SETX: variants seen among roughly 807,000 people sequenced by gnomAD.
The protein encoded by SETX is helicase senataxin.
In SETX, 90 loss-of-function variants were observed where a neutral mutation model predicts 227.2. The ratio of observed to expected loss-of-function variants is 0.40; its 90% CI spans 0.33 to 0.47. The LOEUF (loss-of-function observed/expected upper bound fraction) is 0.47. Among genes scored for constraint, SETX ranks in the 20% least tolerant of loss-of-function variants. The probability of loss-of-function intolerance (pLI) is 0.91; values close to 1 mark genes in which losing one functional copy is unlikely to be tolerated. For synonymous variants in SETX, 1,210 were observed against 1,113.2 expected, an observed-to-expected ratio of 1.09 and a Z score of -1.73; for missense variants, 3,052 against 3,181.5, an observed-to-expected ratio of 0.96 and a Z score of 0.98.
chr9:132,346,940 G>A (rs921430786), intron 3 of SETX, among the ~76,000 whole-genome samples: 15 of 151,908 alleles, frequency 9.9e-5, no homozygotes, highest in African/African-American at 3.1e-4. Flanking sequence ...GGATGACATA[G>A]GGAAACCCTG....
intron 5 of SETX, among the ~76,000 whole-genome samples, chr9:132,341,427 G>A (rs557063884): frequency 6.6e-6 from 1 of 152,168 alleles, no homozygotes; most frequent in African/African-American, 2.4e-5. Context: ...ATCCGACAGG[G>A]AGGAATTCTG....
intron 5 of SETX, among the ~76,000 whole-genome samples, chr9:132,338,313 G>C (rs757414644): frequency 3.3e-5 from 5 of 151,874 alleles, no homozygotes; most frequent in Non-Finnish European, 4.4e-5. Flanking sequence ...GGCTGGTCTC[G>C]AACTCCTGAC....
chr9:132,326,893 A>T lies in SETX; in HGVS notation c.4705T>A (p.Ser1569Thr), dbSNP rs780260153. ...TCTTCATCTGCTGCTTTCACTTCAG[A>T]GTGTTTTGGGCAGTATTCACCCTGG... is the stretch of plus-strand genomic sequence containing the variant. ...KNQGEYCPKH[S>T]EVKAADEDVF... is the part of the protein sequence containing the mutation. Residue 1569 changes from serine to threonine, a missense_variant, in exon 10 of 26, where the codon TCT (serine) becomes ACT (threonine). Physicochemically the swap from Ser to Thr is moderately conservative, Grantham distance 58. Transcript: ENST00000224140. 18 of 1,614,094 alleles carry T rather than the reference A, an allele frequency of 1.1e-5. No individual in the cohort carries two copies. Among genetic ancestry groups the T allele is most frequent in the Non-Finnish European group, 1.5e-5 (18 of 1,180,036 alleles).
At chr9:132,316,521 A>C (rs368362605) in intron 10 of SETX, among the ~76,000 whole-genome samples, 8 of 152,210 alleles carry the variant, frequency 5.3e-5, no homozygotes, top group East Asian at 1.9e-4. Context: ...TACCTTCATC[A>C]CCTAAACTGA....
chr9:132,303,146 T>A (rs1845112542), intron 11 of SETX, among the ~76,000 whole-genome samples: 1 of 152,030 alleles, frequency 6.6e-6, no homozygotes, highest in African/African-American at 2.4e-5. Flanking sequence ...GCCTCCCATG[T>A]CACTGGGACT....
Position 132,329,895 on chromosome 9 carries a change from C to T in SETX, c.1703G>A (p.Gly568Glu), listed in dbSNP as rs1444569042. 2.5e-6 allele frequency: 4 copies of T among 1,614,000 alleles called. No individual in the cohort carries two copies. The highest frequency in any genetic ancestry group is 1.7e-6 in the Non-Finnish European group (2 of 1,180,028). ...FWDKLNLFLRGNLSLGWQLTS... is the reference protein window; with the variant it reads ...FWDKLNLFLRENLSLGWQLTS... Reference sequence around the variant, plus strand: ...CAACTGCCAACCTAGAGATAAATTTCCTCTAAGGAATAAGTTGAGCTTATC... The same window carrying T: ...CAACTGCCAACCTAGAGATAAATTTTCTCTAAGGAATAAGTTGAGCTTATC... Residue 568 changes from glycine (G) to glutamate (E), a missense_variant, in exon 10 of 26, where the codon GGA (glycine) becomes GAA (glutamate). By Grantham distance (98) the Gly-to-Glu change is moderately conservative (BLOSUM62 -2). Transcript: ENST00000224140.
intron 1 of SETX, among the ~76,000 whole-genome samples, chr9:132,354,575 A>G (rs1406379225): frequency 2.0e-5 from 3 of 151,830 alleles, no homozygotes. Context: ...TGTGGAGGGA[A>G]CCGACACTTT....
chr9:132,284,330 T>A (rs1175562010), intron 18 of SETX, among the ~76,000 whole-genome samples: 1 of 152,234 alleles, frequency 6.6e-6, no homozygotes, highest in African/African-American at 2.4e-5. Flanking sequence ...AAAATCTGAT[T>A]AAAATCTGTT....
chr9:132,285,667 G>A (rs979865114), intron 18 of SETX, among the ~76,000 whole-genome samples: 5 of 151,542 alleles, frequency 3.3e-5, no homozygotes, highest in East Asian at 3.9e-4. Context: ...GGATCACAAC[G>A]TCATGAGATG....
intron 17 of SETX, among the ~76,000 whole-genome samples, chr9:132,287,680 C>T (rs117756066): frequency 0.013 from 1,859 of 148,676 alleles, 17 homozygotes; most frequent in Middle Eastern, 0.025. Context: ...ATATCTTGCC[C>T]TTTACAAAAA....
At position 132,306,919 on chromosome 9, in the gene SETX, C is replaced by T. The variant is rs371934335; in HGVS notation, c.5374+4838G>A. Among the ~76,000 whole-genome samples the T allele has an allele frequency of 4.8e-4, 73 of 152,304 alleles. 1 individual carries two copies. In the South Asian group the frequency reaches 0.014, roughly 29 times the overall value. ...ATTAGGTATATGCATTCAGAATTGT[C>T]ATATCTTCTGTTGAACCAAAATACT... On this transcript the variant is annotated intron_variant, in intron 11 of 25. Transcript: ENST00000224140.
At chr9:132,282,414 G>T (rs7023710) in intron 19 of SETX, among the ~76,000 whole-genome samples, 14,798 of 150,890 alleles carry the variant, frequency 0.098, 813 homozygotes, top group South Asian at 0.16. Flanking sequence ...TCAGCCTCCC[G>T]AATAACTGGA....
rs888848259 is a variant in SETX at position 132,303,268 on chromosome 9, C to T, written c.5375-2465G>A. 6.7e-5 allele frequency among the ~76,000 whole-genome samples: 10 copies of T among 149,266 alleles called. No individual in the cohort carries two copies. In the South Asian group the frequency reaches 1.9e-3, roughly 28 times the overall value. On this transcript the variant is annotated intron_variant, in intron 11 of 25. Coordinates refer to ENST00000224140, the MANE Select transcript of SETX (RefSeq NM_015046.7). ...AAACTCCTGGCCTGAAGTGATCTTC[C>T]TGTTTTGGCCTCCTAAAGTGCTGAG...
At chr9:132,325,366 A>G (rs929861063) in intron 10 of SETX, among the ~76,000 whole-genome samples, 12 of 152,138 alleles carry the variant, frequency 7.9e-5, no homozygotes, top group African/African-American at 2.9e-4. Context: ...AAAAAAAGAA[A>G]AAAGAAAAAA....
intron 10 of SETX, among the ~76,000 whole-genome samples, chr9:132,323,124 C>G (rs1028289110): frequency 2.6e-5 from 4 of 152,122 alleles, no homozygotes; most frequent in Non-Finnish European, 5.9e-5. Flanking sequence ...GGACAGGCCT[C>G]GCTAACATGA....
chr9:132,275,755 G>GT (rs1843129550), intron 22 of SETX, among the ~76,000 whole-genome samples: 1 of 152,158 alleles, frequency 6.6e-6, no homozygotes, highest in Admixed American at 6.5e-5. Flanking sequence ...AAGAACAGCA[G>GT]TATTAATAAG....
rs1385619334 is a variant in SETX at position 132,283,341 on chromosome 9, T to C, written c.6469A>G (p.Thr2157Ala). The change falls in exon 19 of 26, where the codon ACA (threonine) becomes GCA (alanine). Residue 2157 changes from threonine (T) to alanine (A), a missense_variant. Around this residue, in one of 10 missense-constraint regions of SETX, gnomAD observed 412 missense variants for 589.0 expected, o/e 0.70. Transcript: ENST00000224140. ...ESHIICCTLSTSGGLLLESAF... is the reference protein window; with the variant it reads ...ESHIICCTLSASGGLLLESAF... Reference sequence around the variant, plus strand: ...GACTCAAGTAGTAAACCACCACTTGTGCTCAACGTGCAGCAGATGATATGG... The same window carrying C: ...GACTCAAGTAGTAAACCACCACTTGCGCTCAACGTGCAGCAGATGATATGG... The C allele has an allele frequency of 6.2e-7, 1 of 1,614,032 alleles. No individual in the cohort carries two copies. The highest frequency in any genetic ancestry group is 1.3e-5 in the African/African-American group (1 of 74,918).
intron 7 of SETX, among the ~76,000 whole-genome samples, chr9:132,333,479 A>C (rs980027741): frequency 1.3e-5 from 2 of 150,670 alleles, no homozygotes; most frequent in African/African-American, 4.9e-5. Flanking sequence ...CAAAAGAATA[A>C]CATTAATATA....
Position 132,331,287 on chromosome 9 carries a change from T to C in SETX, c.1000A>G (p.Ser334Gly), listed in dbSNP as rs1239954943. 3 of 1,614,020 alleles carry C rather than the reference T, an allele frequency of 1.9e-6. No individual in the cohort carries two copies. The highest frequency in any genetic ancestry group is 1.6e-4 in the Middle Eastern group (1 of 6,084). Residue 334 changes from serine to glycine, a missense_variant, in exon 8 of 26, where the codon AGC becomes GGC. Ser to Gly is a moderately conservative substitution (Grantham distance 56). This residue lies in a region of SETX where 239 missense variants were observed against 240.8 expected (regional missense o/e 0.99). Coordinates refer to ENST00000224140, the MANE Select transcript of SETX (RefSeq NM_015046.7). ...ATTAGCTGAACTAACCTTACAGAGC[T>C]GTTCCGTATATGTCGGATCTCTCTA... ...YNREIRHIRN[S>G]SVRTKLEPES...
Sources: allele counts gnomAD v4.1 joint callset (sites outside exome capture counted in the v4.1 genomes callset), GRCh38; gene constraint gnomAD v4.1.1; regional missense constraint gnomAD v4.1.1; transcripts MANE v1.5; gene names NCBI Gene and HGNC (gene_info 2026-07-23, HGNC 2026-07-21).